KLRG1: variants seen among roughly 807,000 people sequenced by gnomAD.
The protein encoded by KLRG1 is killer cell lectin like receptor G1.
A neutral mutation model predicts 21.8 loss-of-function variants in KLRG1; 16 were observed. That is an observed-to-expected ratio of 0.73 (90% CI 0.50 to 1.11). The LOEUF (loss-of-function observed/expected upper bound fraction) is 1.11, where lower values mean the gene tolerates loss of function less well. KLRG1 is among the 50% of genes most tolerant of loss of function. KLRG1 has a pLI of 0.00. For synonymous variants in KLRG1, 69 were observed against 75.9 expected, an observed-to-expected ratio of 0.91 and a Z score of 0.47; for missense variants, 173 against 218.3, an observed-to-expected ratio of 0.79 and a Z score of 1.31.
the KLRG1 span, among the ~76,000 whole-genome samples, chr12:9,046,884 T>G: frequency 6.6e-6 from 1 of 152,220 alleles, no homozygotes; most frequent in East Asian, 1.9e-4. Flanking sequence ...AGACGGAGTC[T>G]TACCTTGTCA....
intron 1 of KLRG1, among the ~76,000 whole-genome samples, chr12:8,977,383 TTTTTTTA>T (rs1250100533): frequency 2.7e-5 from 4 of 149,084 alleles, no homozygotes; most frequent in East Asian, 2.0e-4. Context: ...TTTTTTTTTT[TTTTTTTA>T]TTTGTAGTAG....
chr12:8,995,656 C>T (rs917517336), intron 3 of KLRG1, among the ~76,000 whole-genome samples: 2 of 151,020 alleles, frequency 1.3e-5, no homozygotes, highest in African/African-American at 4.9e-5. Context: ...GGTCCGGAAA[C>T]CTACAGGTCC....
At chr12:9,156,685 T>C in the KLRG1 span, among the ~76,000 whole-genome samples, 1 of 152,242 alleles carries the variant, frequency 6.6e-6, no homozygotes, top group Non-Finnish European at 1.5e-5. Context: ...TATGTTCTGC[T>C]CTGTGTAACA....
At chr12:9,089,887 T>G in the KLRG1 span, 1 of 1,597,004 alleles carries the variant, frequency 6.3e-7, no homozygotes, top group Non-Finnish European at 8.6e-7. Flanking sequence ...CTATATATTA[T>G]TTAGGTTTAC....
At chr12:8,992,011 C>A in intron 1 of KLRG1, 195 bp from the exon 2 acceptor site, 1 of 482,640 alleles carries the variant, frequency 2.1e-6, no homozygotes, top group East Asian at 3.5e-5. Flanking sequence ...ATAGTAAGTT[C>A]TTTGATACAG....
intron 3 of KLRG1, among the ~76,000 whole-genome samples, chr12:9,006,265 A>G (rs1476090546): frequency 6.6e-6 from 1 of 152,228 alleles, no homozygotes; most frequent in Non-Finnish European, 1.5e-5. Flanking sequence ...AGTATGATAT[A>G]ATAGTAAATG....
At chr12:9,192,198 C>G in the KLRG1 span, 1 of 1,613,502 alleles carries the variant, frequency 6.2e-7, no homozygotes, top group Non-Finnish European at 8.5e-7. Context: ...CTCACTGTCT[C>G]CTGACTCCAC....
At chr12:9,085,466 T>A in the KLRG1 span, among the ~76,000 whole-genome samples, 1 of 151,786 alleles carries the variant, frequency 6.6e-6, no homozygotes, top group Non-Finnish European at 1.5e-5. Context: ...TTAAGACAAA[T>A]GAACATGGAA....
At chr12:9,015,692 T>C (rs1213065462), downstream of KLRG1, among the ~76,000 whole-genome samples, 1 of 152,180 alleles carries the variant, frequency 6.6e-6, no homozygotes, top group Admixed American at 6.5e-5. Context: ...TTTTATCTAA[T>C]GGCTGCAGAA....
chr12:9,116,046 T>G, the KLRG1 span: 1 of 613,056 alleles, frequency 1.6e-6, no homozygotes, highest in Non-Finnish European at 3.0e-6. Flanking sequence ...GATGGCCTAT[T>G]TATAGTCAAG....
the KLRG1 span, among the ~76,000 whole-genome samples, chr12:9,148,460 CTTTAT>C: frequency 1.3e-5 from 2 of 151,998 alleles, no homozygotes. Flanking sequence ...ACTCTCATCT[CTTTAT>C]TTTTTTAATC....
chr12:9,174,593 G>C, the KLRG1 span, among the ~76,000 whole-genome samples: 2 of 152,168 alleles, frequency 1.3e-5, no homozygotes, highest in African/African-American at 4.8e-5. Context: ...TTCTTAAGCT[G>C]ATAAGCAACT....
At chr12:9,130,736 C>A in the KLRG1 span, among the ~76,000 whole-genome samples, 1 of 150,018 alleles carries the variant, frequency 6.7e-6, no homozygotes, top group Non-Finnish European at 1.5e-5. Context: ...TTTTTTTTTC[C>A]CATTTTGTAT....
chr12:9,074,936 T>C, the KLRG1 span, among the ~76,000 whole-genome samples: 2 of 152,322 alleles, frequency 1.3e-5, no homozygotes, highest in East Asian at 3.9e-4. Context: ...TAAATCTGAA[T>C]TTGGTGTGTT....
At chr12:9,126,103 C>T in the KLRG1 span, among the ~76,000 whole-genome samples, 1 of 152,140 alleles carries the variant, frequency 6.6e-6, no homozygotes, top group Non-Finnish European at 1.5e-5. Flanking sequence ...ACTGGCATAA[C>T]AGAATATACC....
chr12:9,074,508 C>G, the KLRG1 span: 26 of 1,499,032 alleles, frequency 1.7e-5, no homozygotes, highest in African/African-American at 2.8e-5. Flanking sequence ...CTTTTTCATT[C>G]AAATCTTTTG....
chr12:9,116,909 A>G, the KLRG1 span, among the ~76,000 whole-genome samples: 1 of 148,392 alleles, frequency 6.7e-6, no homozygotes, highest in Non-Finnish European at 1.5e-5. Context: ...AAAATACAAT[A>G]TAAAACTACT....
At chr12:8,965,730 A>G (rs1440745985) in intron 1 of KLRG1, among the ~76,000 whole-genome samples, 1 of 152,258 alleles carries the variant, frequency 6.6e-6, no homozygotes, top group Non-Finnish European at 1.5e-5. Context: ...CATGGGTAGG[A>G]AGAATCAATA....
the KLRG1 span, chr12:9,203,977 G>C: frequency 6.4e-7 from 1 of 1,566,298 alleles, no homozygotes; most frequent in Non-Finnish European, 8.7e-7. Flanking sequence ...GTCTAAATTA[G>C]AGAAAAACTG....
Sources: allele counts gnomAD v4.1 joint callset (sites outside exome capture counted in the v4.1 genomes callset), GRCh38; gene constraint gnomAD v4.1.1; transcripts MANE v1.5; gene names NCBI Gene and HGNC (gene_info 2026-07-23, HGNC 2026-07-21).